Variants in BCKDHB observed in about 807,000 individuals in gnomAD.
BCKDHB encodes 2-oxoisovalerate dehydrogenase subunit beta, mitochondrial.
Under a neutral mutation model 48.5 loss-of-function variants are expected in BCKDHB, and 41 were observed. The ratio of observed to expected loss-of-function variants is 0.85; its 90% CI spans 0.66 to 1.10. BCKDHB has a LOEUF of 1.10. BCKDHB is among the 50% of genes least tolerant of loss of function. The probability of loss-of-function intolerance (pLI) is 0.00; values close to 1 mark genes in which losing one functional copy is unlikely to be tolerated. For missense variants in BCKDHB, 496 were observed against 494.2 expected (o/e 1.00, Z -0.03); for synonymous variants, 201 against 174.8 (o/e 1.15, Z -1.18).
At chr6:80,285,524 T>C (rs531488972) in intron 9 of BCKDHB, among the ~76,000 whole-genome samples, 3 of 152,178 alleles carry the variant, frequency 2.0e-5, no homozygotes, top group South Asian at 2.1e-4. Flanking sequence ...GATACTCTTA[T>C]ATCTGTTCAG....
chr6:80,211,664 A>G (rs1386229739), intron 8 of BCKDHB, among the ~76,000 whole-genome samples: 1 of 152,112 alleles, frequency 6.6e-6, no homozygotes, highest in Admixed American at 6.6e-5. Context: ...CCCTTTAGAA[A>G]ATGTTCTTTC....
chr6:80,239,119 A>T (rs1776271018), intron 8 of BCKDHB, among the ~76,000 whole-genome samples: 2 of 152,186 alleles, frequency 1.3e-5, no homozygotes, highest in South Asian at 4.1e-4. Flanking sequence ...TATACCCAGT[A>T]ATGAGATCGC....
the BCKDHB span, among the ~76,000 whole-genome samples, chr6:80,398,472 CAAG>C: frequency 0.012 from 1,811 of 152,090 alleles, 33 homozygotes; most frequent in African/African-American, 0.04. Context: ...AACCAGAAAA[CAAG>C]AAGATATGGA....
chr6:80,273,289 A>G, intron 9 of BCKDHB, 68 bp downstream of exon 9: 1 of 1,295,744 alleles, frequency 7.7e-7, no homozygotes. Context: ...GAAGAAAATA[A>G]ATTACTTATC....
At chr6:80,420,246 T>TTTCAAA in the BCKDHB span, among the ~76,000 whole-genome samples, 1 of 152,242 alleles carries the variant, frequency 6.6e-6, no homozygotes, top group Non-Finnish European at 1.5e-5. Flanking sequence ...AAGCTCTGCA[T>TTTCAAA]TGCCATGTTT....
intron 8 of BCKDHB, among the ~76,000 whole-genome samples, chr6:80,229,186 T>TAATA (rs1775805952): frequency 6.6e-6 from 1 of 152,202 alleles, no homozygotes; most frequent in Admixed American, 6.5e-5. Context: ...TAGACACTAT[T>TAATA]GCAGGAGGCA....
At chr6:80,208,035 A>T (rs189369447) in intron 8 of BCKDHB, among the ~76,000 whole-genome samples, 97 of 151,932 alleles carry the variant, frequency 6.4e-4, no homozygotes, top group African/African-American at 2.3e-3. Context: ...GCACCAAACT[A>T]TCAATAGAAT....
chr6:80,450,433 C>T, the BCKDHB span, among the ~76,000 whole-genome samples: 1 of 151,998 alleles, frequency 6.6e-6, no homozygotes, highest in African/African-American at 2.4e-5. Context: ...AGCACCATTA[C>T]CCACCAGACC....
At chr6:80,422,301 C>T in the BCKDHB span, among the ~76,000 whole-genome samples, 35 of 152,202 alleles carry the variant, frequency 2.3e-4, no homozygotes, top group Non-Finnish European at 1.6e-4. Flanking sequence ...CTTTGGGAAT[C>T]TCTGCCTAGA....
chr6:80,122,444 ATTTTAACGTAGGTTC>A (rs1429098075), intron 1 of BCKDHB, among the ~76,000 whole-genome samples: 1 of 152,104 alleles, frequency 6.6e-6, no homozygotes, highest in African/African-American at 2.4e-5. Flanking sequence ...CACCCCCAAT[ATTTTAACGTAGGTTC>A]TTTCTGTTTT....
At chr6:80,439,235 T>C in the BCKDHB span, among the ~76,000 whole-genome samples, 2 of 152,154 alleles carry the variant, frequency 1.3e-5, no homozygotes, top group African/African-American at 4.8e-5. Context: ...TTTATTTTCA[T>C]GGCAAAAGGG....
the BCKDHB span, among the ~76,000 whole-genome samples, chr6:80,399,978 GGGA>G: frequency 6.6e-6 from 1 of 151,984 alleles, no homozygotes; most frequent in Non-Finnish European, 1.5e-5. Flanking sequence ...AACAAGCAAT[GGGA>G]AAGATTCCTT....
chr6:80,172,076 G>A (rs1772945376), intron 6 of BCKDHB, among the ~76,000 whole-genome samples: 1 of 152,004 alleles, frequency 6.6e-6, no homozygotes, highest in Non-Finnish European at 1.5e-5. Flanking sequence ...CAGATTAGGT[G>A]TACATGTGTT....
the BCKDHB span, among the ~76,000 whole-genome samples, chr6:80,418,779 C>T: frequency 2.0e-5 from 3 of 152,080 alleles, no homozygotes; most frequent in Non-Finnish European, 2.9e-5. Context: ...ATGGGTCAGC[C>T]GCAGTGGTAG....
intron 8 of BCKDHB, among the ~76,000 whole-genome samples, chr6:80,213,349 C>T (rs1432535936): frequency 6.6e-6 from 1 of 152,114 alleles, no homozygotes; most frequent in Non-Finnish European, 1.5e-5. Context: ...AGAATAGGAA[C>T]AATTTATCTA....
chr6:80,290,273 A>T (rs1428906749), intron 9 of BCKDHB, among the ~76,000 whole-genome samples: 1 of 152,166 alleles, frequency 6.6e-6, no homozygotes, highest in Non-Finnish European at 1.5e-5. Flanking sequence ...GGAGCAGGGT[A>T]TGCCTACCTC....
chr6:80,356,864 CTCTG>C, the BCKDHB span: 4 of 151,746 alleles, frequency 2.6e-5, no homozygotes, highest in African/African-American at 7.3e-5. Flanking sequence ...CTCAAACTTT[CTCTG>C]TCTCTCTGTC....
chr6:80,289,308 A>T (rs78492903), intron 9 of BCKDHB, among the ~76,000 whole-genome samples: 6,651 of 152,206 alleles, frequency 0.044, 484 homozygotes, highest in African/African-American at 0.15. Flanking sequence ...TACATTGTTG[A>T]ACTTCTCCCT....
intron 3 of BCKDHB, among the ~76,000 whole-genome samples, chr6:80,145,017 T>C (rs1771411557): frequency 6.6e-6 from 1 of 152,198 alleles, no homozygotes; most frequent in Admixed American, 6.6e-5. Context: ...CTGAGAGTTG[T>C]ACGTAGTTAC....
Sources: gnomAD v4.1 joint callset for allele counts (sites outside exome capture counted in the v4.1 genomes callset) on GRCh38, gnomAD v4.1.1 for gene constraint, MANE v1.5 for transcripts, NCBI Gene and HGNC (gene_info 2026-07-23, HGNC 2026-07-21) for gene names.